The following PDE1C variants were observed in gnomAD, a reference collection of about 807,000 sequenced individuals.
PDE1C encodes phosphodiesterase 1C, also known as dual specificity calcium/calmodulin-dependent 3',5'-cyclic nucleotide phosphodiesterase 1C.
PDE1C carries 62 observed loss-of-function variants against 93.1 expected under a neutral mutation model. That is an observed-to-expected ratio of 0.67 (90% CI 0.54 to 0.82). The LOEUF is 0.82. PDE1C is among the 40% of genes least tolerant of loss of function. The pLI is 0.00. For synonymous variants in PDE1C, 325 were observed against 310.1 expected (o/e 1.05, Z -0.50); for missense variants, 742 against 884.6 (o/e 0.84, Z 2.04).
At chr7:31,912,623 G>A (rs570318304) in intron 2 of PDE1C, among the ~76,000 whole-genome samples, 5 of 152,164 alleles carry the variant, frequency 3.3e-5, no homozygotes, top group East Asian at 1.9e-4. Context: ...GGAGGTTGAC[G>A]CTGCAGTGAG....
At chr7:31,860,106 T>G (rs2128824064) in intron 7 of PDE1C, among the ~76,000 whole-genome samples, 1 of 152,282 alleles carries the variant, frequency 6.6e-6, no homozygotes, top group Middle Eastern at 3.4e-3. Context: ...TGCAAAATTG[T>G]TTTCTTATAT....
the PDE1C span, among the ~76,000 whole-genome samples, chr7:31,622,091 C>T: frequency 7.2e-6 from 1 of 138,566 alleles, no homozygotes; most frequent in Non-Finnish European, 1.6e-5. Flanking sequence ...ACAGGAGCAC[C>T]CAGATTCATA....
chr7:31,682,159 TAAAC>T, the PDE1C span, among the ~76,000 whole-genome samples: 2 of 152,172 alleles, frequency 1.3e-5, no homozygotes, highest in Non-Finnish European at 2.9e-5. Context: ...TGCTGAGAAT[TAAAC>T]AAATAGGTAG....
At chr7:32,051,819 C>A (rs935630047) in intron 1 of PDE1C, among the ~76,000 whole-genome samples, 11 of 152,176 alleles carry the variant, frequency 7.2e-5, no homozygotes, top group African/African-American at 2.7e-4. Context: ...AGTGGCTCTG[C>A]TCCCATGTTC....
intron 2 of PDE1C, among the ~76,000 whole-genome samples, chr7:32,031,219 C>A (rs148532129): frequency 1.3e-5 from 2 of 152,284 alleles, no homozygotes; most frequent in Non-Finnish European, 2.9e-5. Flanking sequence ...TAAATAAAAT[C>A]TCTAACACAT....
chr7:32,166,592 C>A (rs544573900), intron 3 of PDE1C, among the ~76,000 whole-genome samples: 1 of 152,150 alleles, frequency 6.6e-6, no homozygotes, highest in Non-Finnish European at 1.5e-5. Context: ...TTGCACAAAC[C>A]TCAACTATCG....
chr7:31,661,432 G>A, the PDE1C span, among the ~76,000 whole-genome samples: 1 of 152,102 alleles, frequency 6.6e-6, no homozygotes. Flanking sequence ...GGAATATTGG[G>A]CCAGGCGCAG....
intron 1 of PDE1C, among the ~76,000 whole-genome samples, chr7:32,415,965 T>TGTG (rs1407679243): frequency 1.3e-5 from 2 of 152,282 alleles, no homozygotes; most frequent in African/African-American, 4.8e-5. Flanking sequence ...GGAGTGGCGG[T>TGTG]GTGACCAGGA....
At chr7:32,088,858 C>A (rs529040330) in intron 3 of PDE1C, among the ~76,000 whole-genome samples, 1 of 152,316 alleles carries the variant, frequency 6.6e-6, no homozygotes, top group South Asian at 2.1e-4. Context: ...AGGGAAGGAA[C>A]ATTTTGGAGC....
At chr7:31,640,775 A>AT in the PDE1C span, among the ~76,000 whole-genome samples, 3 of 151,534 alleles carry the variant, frequency 2.0e-5, no homozygotes, top group Non-Finnish European at 4.4e-5. Context: ...AATATTTTCT[A>AT]TTTTTTTACC....
intron 3 of PDE1C, among the ~76,000 whole-genome samples, chr7:32,094,001 G>C (rs943359458): frequency 3.3e-5 from 5 of 152,226 alleles, no homozygotes; most frequent in African/African-American, 9.6e-5. Context: ...GGAATAGATG[G>C]TAAAGGGCTC....
chr7:32,318,980 C>T (rs1783230093), intron 1 of PDE1C, among the ~76,000 whole-genome samples: 2 of 152,176 alleles, frequency 1.3e-5, no homozygotes, highest in Non-Finnish European at 2.9e-5. Context: ...GGTTTCTCAT[C>T]ATTTCAAAAG....
intron 14 of PDE1C, among the ~76,000 whole-genome samples, chr7:31,817,410 G>A (rs377412289): frequency 2.2e-4 from 33 of 152,250 alleles, no homozygotes; most frequent in Middle Eastern, 3.4e-3. Context: ...GATAGATGAC[G>A]TGGTCAAATG....
intron 2 of PDE1C, among the ~76,000 whole-genome samples, chr7:32,006,095 T>C (rs935415629): frequency 6.6e-6 from 1 of 152,228 alleles, no homozygotes; most frequent in African/African-American, 2.4e-5. Flanking sequence ...GTTCCATTAG[T>C]TCTGACTGAA....
At position 31,977,957 on chromosome 7, in the gene PDE1C, T is replaced by C. The variant is rs1034590594; in HGVS notation, c.128+73597A>G. Reference sequence around the variant, plus strand: ...TTTTCTTGTGTTTTTCTCTTTAAATTCTCCCTAGAACTCAATGAGGTAGAA... The same window carrying C: ...TTTTCTTGTGTTTTTCTCTTTAAATCCTCCCTAGAACTCAATGAGGTAGAA... On this transcript the variant is annotated intron_variant, in intron 2 of 17. Transcript: ENST00000396191. 2.6e-5 allele frequency among the ~76,000 whole-genome samples: 4 copies of C among 152,250 alleles called. No individual in the cohort carries two copies. In the East Asian group the frequency reaches 7.7e-4, roughly 29 times the overall value.
Position 31,880,856 on chromosome 7 carries a change from G to A in PDE1C, c.133C>T (p.Arg45Trp), listed in dbSNP as rs200746769. Reference sequence around the variant, plus strand: ...CTCTCTAATTGTTTGACCAAAGACCGTAATCTAGAAAAATAAAAAGACATA... The same window carrying A: ...CTCTCTAATTGTTTGACCAAAGACCATAATCTAGAAAAATAAAAAGACATA... ...RKYKKTSQRL[R>W]SLVKQLERGE... Residue 45 changes from arginine to tryptophan, a missense_variant, in exon 3 of 18, where the codon CGG becomes TGG. Transcript: ENST00000396191. 362 of 1,572,550 alleles carry A rather than the reference G, an allele frequency of 2.3e-4. 1 individual carries two copies. Among genetic ancestry groups the A allele is most frequent in the Middle Eastern group, 3.3e-4 (2 of 5,994 alleles).
intron 2 of PDE1C, among the ~76,000 whole-genome samples, chr7:31,973,183 T>C (rs763380372): frequency 5.9e-5 from 9 of 151,956 alleles, no homozygotes; most frequent in Non-Finnish European, 1.3e-4. Flanking sequence ...ATAAGTGAAC[T>C]TGAAGATAGA....
chr7:31,640,327 GT>G, the PDE1C span, among the ~76,000 whole-genome samples: 1 of 152,130 alleles, frequency 6.6e-6, no homozygotes, highest in African/African-American at 2.4e-5. Flanking sequence ...GCTTTTGGTG[GT>G]TTCTCACATG....
intron 17 of PDE1C, among the ~76,000 whole-genome samples, chr7:31,756,175 A>T (rs138010025): frequency 6.6e-6 from 1 of 152,286 alleles, no homozygotes; most frequent in African/African-American, 2.4e-5. Context: ...CCTTCTCATA[A>T]ATAAATAAAT....
Sources: allele counts gnomAD v4.1 joint callset (sites outside exome capture counted in the v4.1 genomes callset), GRCh38; gene constraint gnomAD v4.1.1; transcripts MANE v1.5; gene names NCBI Gene and HGNC (gene_info 2026-07-23, HGNC 2026-07-21).